The following TUT4 variants were observed in gnomAD, a reference collection of about 807,000 sequenced individuals.
TUT4 encodes the protein terminal uridylyltransferase 4.
Under a neutral mutation model 192.2 loss-of-function variants are expected in TUT4, and 36 were observed. That is an observed-to-expected ratio of 0.19 (90% CI 0.14 to 0.25). The LOEUF is 0.25. Among genes scored for constraint, TUT4 ranks in the 10% least tolerant of loss-of-function variants. TUT4 has a pLI of 1.00. For synonymous variants in TUT4, 618 were observed against 666.0 expected, an observed-to-expected ratio of 0.93 and a Z score of 1.11; for missense variants, 1,493 against 1,957.2, an observed-to-expected ratio of 0.76 and a Z score of 4.47.
chr1:52,463,042 T>C, intron 16 of TUT4: 1 of 984,498 alleles, frequency 1.0e-6, no homozygotes, highest in Non-Finnish European at 1.2e-6. Flanking sequence ...AAGGAGGTAA[T>C]TTTTCTCTTT....
intron 1 of TUT4, among the ~76,000 whole-genome samples, chr1:52,538,953 C>T (rs1036235713): frequency 5.3e-5 from 8 of 152,080 alleles, no homozygotes; most frequent in African/African-American, 1.9e-4. Context: ...CCTCAGCCTC[C>T]CAAAGGAATC....
At chr1:52,505,467 G>A (rs1571064155) in intron 4 of TUT4, among the ~76,000 whole-genome samples, 2 of 145,754 alleles carry the variant, frequency 1.4e-5, no homozygotes, top group African/African-American at 5.2e-5. Context: ...TGCCACCCAG[G>A]CTGGAGTGCA....
intron 14 of TUT4, among the ~76,000 whole-genome samples, chr1:52,471,338 T>C (rs1411700890): frequency 3.9e-5 from 6 of 152,228 alleles, no homozygotes; most frequent in African/African-American, 1.4e-4. Flanking sequence ...ATGCATAATC[T>C]TTGACGTTTA....
rs1440495058 is a variant in TUT4 at position 52,446,259 on chromosome 1, T to C, written c.3691+6A>G. On this transcript the variant is annotated splice_donor_region_variant and intron_variant, in intron 22 of 29. Transcript: ENST00000257177. ...GCTCCTGAATTAATATCAGCTTAAA[T>C]GTTACCTTCAATTGCAATGCACTTG... is the stretch of plus-strand genomic sequence containing the variant. 1.9e-6 allele frequency: 3 copies of C among 1,604,280 alleles called. No individual in the cohort carries two copies. Among genetic ancestry groups the C allele is most frequent in the Admixed American group, 1.7e-5 (1 of 57,314 alleles).
intron 20 of TUT4, among the ~76,000 whole-genome samples, chr1:52,449,544 C>G (rs751375186): frequency 3.9e-5 from 6 of 152,062 alleles, no homozygotes; most frequent in Non-Finnish European, 8.8e-5. Flanking sequence ...AAGTAATCTA[C>G]CCCCCTCGGC....
chr1:52,487,323 C>T (rs1026708117), intron 9 of TUT4, among the ~76,000 whole-genome samples: 3 of 151,858 alleles, frequency 2.0e-5, no homozygotes, highest in Admixed American at 6.6e-5. Context: ...CGTTGGTACA[C>T]GCCTGTGGTC....
chr1:52,540,312 C>G (rs1045966056), intron 1 of TUT4, among the ~76,000 whole-genome samples: 3 of 151,658 alleles, frequency 2.0e-5, no homozygotes, highest in Non-Finnish European at 4.4e-5. Flanking sequence ...GTCAGGAGTT[C>G]AAGACCAGCC....
chr1:52,525,956 C>T lies in TUT4; in HGVS notation c.325G>A (p.Glu109Lys), dbSNP rs749014831. Reference sequence around the variant, plus strand: ...TTTGCCTGTGAAATGGTTGCCTTTTCGGCTTTCACCGGTGAATTAGGAAAT... The same window carrying T: ...TTTGCCTGTGAAATGGTTGCCTTTTTGGCTTTCACCGGTGAATTAGGAAAT... ...KKFPNSPVKA[E>K]KATISQAKSE... is the part of the protein sequence containing the mutation. The change falls in exon 2 of 30, where the codon GAA becomes AAA. Residue 109 changes from glutamate to lysine, a missense_variant. Physicochemically the swap from Glu to Lys is moderately conservative, Grantham distance 56 (BLOSUM62 1). Transcript: ENST00000257177. The T allele has an allele frequency of 1.3e-5, 21 of 1,613,994 alleles. No individual in the cohort carries two copies. Among genetic ancestry groups the T allele is most frequent in the African/African-American group, 4.0e-5 (3 of 74,910 alleles).
chr1:52,507,311 C>T (rs1391208678), intron 4 of TUT4, among the ~76,000 whole-genome samples: 1 of 152,208 alleles, frequency 6.6e-6, no homozygotes, highest in East Asian at 1.9e-4. Flanking sequence ...GGACTTAGTG[C>T]ACTCTAAGGT....
chr1:52,477,597 T>C (rs977872099), intron 12 of TUT4, 111 bp downstream of exon 12: 2 of 1,035,098 alleles, frequency 1.9e-6, no homozygotes, highest in Admixed American at 5.7e-5. Context: ...AATGACAATC[T>C]AGTGACATAT....
At position 52,526,101 on chromosome 1, in the gene TUT4, T is replaced by C; in HGVS notation, c.180A>G (p.Gln60=). 6.2e-7 allele frequency: 1 copy of C among 1,609,296 alleles called. No homozygotes were observed. The highest frequency in any genetic ancestry group is 1.1e-5 in the South Asian group (1 of 89,156). ...PNRNSSKKNK[Q]NDICIEKTEV... is the part of the protein sequence containing the mutation. ...CTGTTTTTTCTATACAAATATCATT[T>C]TGCTTATTTTTTTTACTACTATTCC... The change falls in exon 2 of 30, where the codon CAA becomes CAG. Residue 60 remains glutamine, a synonymous_variant. Coordinates refer to ENST00000257177, the MANE Select transcript of TUT4 (RefSeq NM_001009881.3).
chr1:52,544,453 C>T (rs544896373), intron 1 of TUT4, among the ~76,000 whole-genome samples: 7 of 152,294 alleles, frequency 4.6e-5, no homozygotes, highest in South Asian at 2.1e-4. Flanking sequence ...ACAGTCTTTT[C>T]AGCAAATGGC....
chr1:52,545,888 G>A (rs1255004082), intron 1 of TUT4, among the ~76,000 whole-genome samples: 4 of 150,502 alleles, frequency 2.7e-5, no homozygotes, highest in East Asian at 1.9e-4. Context: ...TTGGGAGGCC[G>A]AGGCAGGCAC....
intron 11 of TUT4, among the ~76,000 whole-genome samples, chr1:52,480,812 C>T (rs933386547): frequency 1.3e-5 from 2 of 152,088 alleles, no homozygotes; most frequent in Non-Finnish European, 2.9e-5. Flanking sequence ...AGAGAGTATA[C>T]AGTAGTACAG....
At position 52,493,680 on chromosome 1, in the gene TUT4, A is replaced by C; in HGVS notation, c.1267-18T>G. ...TGATTCATCTAAAAAAGTTTCAAAA[A>C]TAAATCGATATACTAATTTCAAAGT... On this transcript the variant is annotated intron_variant, in intron 6 of 29. Transcript: ENST00000257177. 1 of 1,442,898 alleles carries C rather than the reference A, an allele frequency of 6.9e-7. No individual in the cohort carries two copies. The highest frequency in any genetic ancestry group is 9.5e-7 in the Non-Finnish European group (1 of 1,051,260). The allele number at this position is 1,442,898 out of a possible 1,614,324, so 89.4% of individuals were successfully genotyped here.
At chr1:52,545,331 T>A in intron 1 of TUT4, among the ~76,000 whole-genome samples, 1 of 150,184 alleles carries the variant, frequency 6.7e-6, no homozygotes. Context: ...GAGCCAAGAT[T>A]GCGCCACTGC....
intron 20 of TUT4, among the ~76,000 whole-genome samples, chr1:52,448,363 G>A (rs140777429): frequency 0.022 from 3,350 of 152,158 alleles, 110 homozygotes; most frequent in African/African-American, 0.075. Context: ...CGAGGCAGGC[G>A]GATCACCTGA....
At chr1:52,531,885 C>CTTTTTTTTTTTTT (rs1158088077) in intron 1 of TUT4, among the ~76,000 whole-genome samples, 2 of 80,806 alleles carry the variant, frequency 2.5e-5, no homozygotes, top group African/African-American at 5.8e-5. Context: ...CTTTTCTCAT[C>CTTTTTTTTTTTTT]TTTTTTTTTT....
intron 14 of TUT4, among the ~76,000 whole-genome samples, chr1:52,469,039 T>TTAAA (rs59837581): frequency 0.35 from 53,070 of 151,582 alleles, 12,840 homozygotes; most frequent in African/African-American, 0.7. Context: ...AGAAGGGGAG[T>TTAAA]TAAATAAAAT....
Sources: gnomAD v4.1 joint callset for allele counts (sites outside exome capture counted in the v4.1 genomes callset) on GRCh38, gnomAD v4.1.1 for gene constraint, MANE v1.5 for transcripts, NCBI Gene and HGNC (gene_info 2026-07-23, HGNC 2026-07-21) for gene names.